ADAMTS18: variants seen among roughly 807,000 people sequenced by gnomAD.
The protein encoded by ADAMTS18 is A disintegrin and metalloproteinase with thrombospondin motifs 18.
Under a neutral mutation model 165.9 loss-of-function variants are expected in ADAMTS18, and 157 were observed. That is an observed-to-expected ratio of 0.95 (90% CI 0.83 to 1.08). ADAMTS18 has a LOEUF of 1.08. Ranked by LOEUF, ADAMTS18 falls within the 50% of genes least tolerant of loss-of-function variation. The probability of loss-of-function intolerance (pLI) is 0.00; values close to 1 mark genes in which losing one functional copy is unlikely to be tolerated. For missense variants in ADAMTS18, 2,040 were observed against 1,534.0 expected (o/e 1.33, Z -5.51); for synonymous variants, 782 against 578.2 (o/e 1.35, Z -5.06).
chr16:77,434,527 C>G, intron 1 of ADAMTS18, 22 bp from the exon 2 acceptor site: 1 of 1,544,750 alleles, frequency 6.5e-7, no homozygotes, highest in Non-Finnish European at 8.7e-7. Flanking sequence ...AAGGTGACAT[C>G]GCGCGTGAGG....
intron 3 of ADAMTS18, among the ~76,000 whole-genome samples, chr16:77,384,064 G>A (rs1343030170): frequency 6.6e-6 from 1 of 151,474 alleles, no homozygotes; most frequent in Non-Finnish European, 1.5e-5. Flanking sequence ...TAAAGGCTGG[G>A]ACTTTGTGCC....
intron 14 of ADAMTS18, 103 bp downstream of exon 14, chr16:77,322,233 C>G (rs1355675796): frequency 5.6e-6 from 8 of 1,417,318 alleles, no homozygotes; most frequent in South Asian, 1.2e-5. Flanking sequence ...ATGCCACCTG[C>G]TCTTCTCCAG....
At chr16:77,378,336 AAAAC>A (rs1282202360) in intron 3 of ADAMTS18, among the ~76,000 whole-genome samples, 8 of 61,106 alleles carry the variant, frequency 1.3e-4, no homozygotes, top group East Asian at 8.7e-4. Flanking sequence ...AACAAAAACA[AAAAC>A]AAAAAAAAAC....
chr16:77,394,000 C>A (rs979134079), intron 3 of ADAMTS18, among the ~76,000 whole-genome samples: 3 of 152,186 alleles, frequency 2.0e-5, no homozygotes, highest in African/African-American at 7.2e-5. Flanking sequence ...TGGATTACTG[C>A]TGCTGAGATA....
At chr16:77,409,771 A>C (rs2057437493) in intron 3 of ADAMTS18, among the ~76,000 whole-genome samples, 1 of 152,148 alleles carries the variant, frequency 6.6e-6, no homozygotes, top group Non-Finnish European at 1.5e-5. Flanking sequence ...AAAATGCTCC[A>C]TTTTGGTTCA....
At position 77,389,888 on chromosome 16, in the gene ADAMTS18, T is replaced by A. The variant is rs564869545; in HGVS notation, c.496-22165A>T. ...AGGAGTAAAAAGTGGTAGATTGTTT[T>A]TAGAAGCCCTAAATATTAATAAGAT... On this transcript the variant is annotated intron_variant, in intron 3 of 22. Transcript: ENST00000282849. Among the ~76,000 whole-genome samples, 9 of 152,304 alleles carry A rather than the reference T, an allele frequency of 5.9e-5. No individual in the cohort carries two copies. In the East Asian group the frequency reaches 1.5e-3, roughly 26 times the overall value.
chr16:77,413,926 A>T (rs1025951899), intron 3 of ADAMTS18, among the ~76,000 whole-genome samples: 1 of 152,204 alleles, frequency 6.6e-6, no homozygotes, highest in African/African-American at 2.4e-5. Context: ...TTTATCTTCA[A>T]AAGAAACATT....
intron 11 of ADAMTS18, among the ~76,000 whole-genome samples, chr16:77,339,134 G>C (rs1026896609): frequency 6.6e-6 from 1 of 151,028 alleles, no homozygotes; most frequent in Non-Finnish European, 1.5e-5. Context: ...AGACACTCCA[G>C]ATGAAACAAG....
At chr16:77,406,773 A>T (rs903485351) in intron 3 of ADAMTS18, among the ~76,000 whole-genome samples, 13 of 152,122 alleles carry the variant, frequency 8.5e-5, no homozygotes, top group Non-Finnish European at 1.3e-4. Flanking sequence ...GCCATAAAAA[A>T]GAATATCATT....
chr16:77,342,523 TAA>T (rs2056414089), intron 10 of ADAMTS18, among the ~76,000 whole-genome samples: 1 of 152,146 alleles, frequency 6.6e-6, no homozygotes, highest in Admixed American at 6.5e-5. Flanking sequence ...ACTCCTAACC[TAA>T]AGTGATCCTC....
intron 20 of ADAMTS18, among the ~76,000 whole-genome samples, chr16:77,292,311 TC>T (rs1217284665): frequency 6.6e-6 from 1 of 152,086 alleles, no homozygotes; most frequent in East Asian, 1.9e-4. Flanking sequence ...AAAAATTTAC[TC>T]CCCAGTATTT....
At chr16:77,363,739 T>G in intron 6 of ADAMTS18, 63 bp downstream of exon 6, 1 of 1,453,374 alleles carries the variant, frequency 6.9e-7, no homozygotes, top group Non-Finnish European at 9.7e-7. Context: ...ACACAGTAGG[T>G]GTTCAAGAAA....
At chr16:77,397,710 G>A (rs2057276501) in intron 3 of ADAMTS18, among the ~76,000 whole-genome samples, 1 of 152,242 alleles carries the variant, frequency 6.6e-6, no homozygotes, top group Non-Finnish European at 1.5e-5. Flanking sequence ...CCCATGCAGA[G>A]CTTACAAAAA....
At chr16:77,311,750 A>C (rs2650911) in intron 16 of ADAMTS18, among the ~76,000 whole-genome samples, 5 of 150,730 alleles carry the variant, frequency 3.3e-5, no homozygotes, top group African/African-American at 7.3e-5. Flanking sequence ...GAATGAAACC[A>C]TAACTCCTTT....
At chr16:77,294,836 G>T in intron 19 of ADAMTS18, 87 bp downstream of exon 19, 2 of 1,278,570 alleles carry the variant, frequency 1.6e-6, no homozygotes, top group Non-Finnish European at 2.2e-6. Context: ...CATGTAAACT[G>T]CCAAGAGCCC....
At position 77,302,761 on chromosome 16, in the gene ADAMTS18, T is replaced by A. The variant is rs1056671213; in HGVS notation, c.2533-2357A>T. 3.3e-5 allele frequency among the ~76,000 whole-genome samples: 5 copies of A among 152,230 alleles called. No homozygotes were observed. The East Asian group carries it at 9.6e-4, about 29-fold the overall frequency. The stretch of plus-strand genomic sequence containing the variant: ...GTTTGACAAATTTTCAACAGACATT[T>A]GAAATATATTCCCCTTTCACCTTTT... On this transcript the variant is annotated intron_variant, in intron 16 of 22. Transcript: ENST00000282849.
chr16:77,300,221 AAG>A, intron 17 of ADAMTS18, 40 bp downstream of exon 17: 1 of 1,612,592 alleles, frequency 6.2e-7, no homozygotes, highest in Non-Finnish European at 8.5e-7. Context: ...AACCTGTTTT[AAG>A]AGAGACAGAC....
rs187487698 is a variant in ADAMTS18, at chr16:77,355,842, A to C, written c.1460+98T>G. 26 of 1,427,484 alleles carry C rather than the reference A, an allele frequency of 1.8e-5. No individual in the cohort carries two copies. The East Asian group carries it at 4.6e-4, about 25-fold the overall frequency. The allele number at this position is 1,427,484 out of a possible 1,614,324, so 88.4% of individuals were successfully genotyped here. ...TTGTCTTTCTGTTTATTGACAGGTC[A>C]AAAGGTATTTCCACTGAGTATTCGT... On this transcript the variant is annotated intron_variant, in intron 9 of 22. Coordinates refer to ENST00000282849, the MANE Select transcript of ADAMTS18 (RefSeq NM_199355.4).
chr16:77,383,444 T>A (rs547280626), intron 3 of ADAMTS18, among the ~76,000 whole-genome samples: 8 of 152,232 alleles, frequency 5.3e-5, no homozygotes, highest in African/African-American at 1.7e-4. Context: ...AAAAGCCAAG[T>A]TCCCATCTCA....
Sources: allele counts gnomAD v4.1 joint callset (sites outside exome capture counted in the v4.1 genomes callset), GRCh38; gene constraint gnomAD v4.1.1; transcripts MANE v1.5; gene names NCBI Gene and HGNC (gene_info 2026-07-23, HGNC 2026-07-21).